The following PLCG1 variants were observed in gnomAD, a reference collection of about 807,000 sequenced individuals.
The protein encoded by PLCG1 is 1-phosphatidylinositol 4,5-bisphosphate phosphodiesterase gamma-1.
A neutral mutation model predicts 177.8 loss-of-function variants in PLCG1; 71 were observed. That is an observed-to-expected ratio of 0.40 (90% CI 0.33 to 0.49). The LOEUF is 0.49. Ranked by LOEUF, PLCG1 falls within the 20% of genes least tolerant of loss-of-function variation. The probability of loss-of-function intolerance (pLI) is 0.72; values close to 1 mark genes in which losing one functional copy is unlikely to be tolerated. For missense variants in PLCG1, 1,281 were observed against 1,709.0 expected (o/e 0.75, Z 4.42); for synonymous variants, 658 against 647.9 (o/e 1.02, Z -0.24).
rs1310382921 is a variant in PLCG1, at chr20:41,144,311, A to G, written c.217+6453A>G. On this transcript the variant is annotated intron_variant, in intron 1 of 31. Transcript: ENST00000685551. The surrounding 1 kb of genome is among the most constrained non-coding windows in gnomAD (Gnocchi z 4.1). ...CCATTCTGGGGAAAATGATAATAGG[A>G]TGGACCGTTCTATAGGAACAGAGGG... Among the ~76,000 whole-genome samples, 1 of 152,214 alleles carries G rather than the reference A, an allele frequency of 6.6e-6. No homozygotes were observed. Among genetic ancestry groups the G allele is most frequent in the Non-Finnish European group, 1.5e-5 (1 of 68,040 alleles).
intron 1 of PLCG1, among the ~76,000 whole-genome samples, chr20:41,140,972 G>A (rs760690539): frequency 1.3e-5 from 2 of 152,184 alleles, no homozygotes; most frequent in South Asian, 4.1e-4. Context: ...TGTGGTCCAC[G>A]TGGCTCCTCT....
rs1279029475 is a variant in PLCG1 at position 41,150,561 on chromosome 20, G to T, written c.218-9045G>T. 6.6e-6 allele frequency among the ~76,000 whole-genome samples: 1 copy of T among 152,198 alleles called. No homozygotes were observed. Among genetic ancestry groups the T allele is most frequent in the Admixed American group, 6.5e-5 (1 of 15,284 alleles). On this transcript the variant is annotated intron_variant, in intron 1 of 31. Transcript: ENST00000685551. This position sits in a 1 kb window ranked among gnomAD's most constrained non-coding sequence, Gnocchi z 4.0. ...GAGCACACTAGACTCCTGACACAGA[G>T]GCTGACCCATGGCTGCCTGGAGAAT...
At chr20:41,162,304 C>T (rs2035533929) in intron 4 of PLCG1, 148 bp from the exon 5 acceptor site, 1 of 508,942 alleles carries the variant, frequency 2.0e-6, no homozygotes, top group African/African-American at 2.0e-5. Context: ...CTAACCTCAC[C>T]CCATGGGTTC....
At chr20:41,161,662 G>A (rs1310391334) in intron 4 of PLCG1, among the ~76,000 whole-genome samples, 2 of 152,096 alleles carry the variant, frequency 1.3e-5, no homozygotes, top group South Asian at 2.1e-4. Flanking sequence ...CCCCCTCGGG[G>A]AATTTTGGTG....
Position 41,174,386 on chromosome 20 carries a change from G to A in PLCG1, c.3833+75G>A, listed in dbSNP as rs2035998096. The A allele has an allele frequency of 6.2e-7, 1 of 1,600,258 alleles. No individual in the cohort carries two copies. ...TCCTTCTTCAGTGTTTCTTTCTCCTGGGTAGAAAAGTTGTAATATTGTCTG... is the reference window on the plus strand; with the variant it reads ...TCCTTCTTCAGTGTTTCTTTCTCCTAGGTAGAAAAGTTGTAATATTGTCTG... On this transcript the variant is annotated intron_variant, in intron 31 of 31. Coordinates refer to ENST00000685551, the MANE Select transcript of PLCG1 (RefSeq NM_002660.3). This position sits in a 1 kb window ranked among gnomAD's most constrained non-coding sequence, Gnocchi z 5.8.
At chr20:41,141,401 C>T (rs1263968416) in intron 1 of PLCG1, among the ~76,000 whole-genome samples, 1 of 152,236 alleles carries the variant, frequency 6.6e-6, no homozygotes, top group Non-Finnish European at 1.5e-5. Context: ...CGGAAGAAAA[C>T]AGCTAACTGC....
In PLCG1 at chr20:41,163,507, G is replaced by A; in HGVS notation, c.891+28G>A. 1 of 1,536,194 alleles carries A rather than the reference G, an allele frequency of 6.5e-7. No individual in the cohort carries two copies. Among genetic ancestry groups the A allele is most frequent in the East Asian group, 2.2e-5 (1 of 44,504 alleles). ...GAGCCCGATGTTTCACCCATTTTTT[G>A]TCAAGAGAATGAGTAGGGGTGACCA... is the stretch of plus-strand genomic sequence containing the variant. On this transcript the variant is annotated intron_variant, in intron 9 of 31. Coordinates refer to ENST00000685551, the MANE Select transcript of PLCG1 (RefSeq NM_002660.3). The surrounding 1 kb of genome is among the most constrained non-coding windows in gnomAD (Gnocchi z 5.2).
chr20:41,174,236 G>C lies in PLCG1; in HGVS notation c.3758G>C (p.Arg1253Pro). 6.2e-7 allele frequency: 1 copy of C among 1,614,042 alleles called. No individual in the cohort carries two copies. The highest frequency in any genetic ancestry group is 2.2e-5 in the East Asian group (1 of 44,892). The part of the protein sequence containing the change: ...GRAREGSFES[R>P]YQQPFEDFRI... Reference sequence around the variant, plus strand: ...GCCCGGGAAGGCTCCTTTGAATCCCGCTACCAGCAGCCGTTTGAGGACTTC... The same window carrying C: ...GCCCGGGAAGGCTCCTTTGAATCCCCCTACCAGCAGCCGTTTGAGGACTTC... Residue 1253 changes from arginine to proline, a missense_variant, in exon 31 of 32, where the codon CGC becomes CCC. Arg to Pro is a moderately radical substitution (Grantham distance 103). Around this residue, in one of 4 missense-constraint regions of PLCG1, gnomAD observed 153 missense variants for 153.2 expected, o/e 1.00. Coordinates refer to ENST00000685551, the MANE Select transcript of PLCG1 (RefSeq NM_002660.3). The surrounding 1 kb of genome is among the most constrained non-coding windows in gnomAD (Gnocchi z 5.8).
Position 41,172,109 on chromosome 20 carries a change from T to G in PLCG1, c.2809-84T>G. The stretch of plus-strand genomic sequence containing the variant: ...AGAGGGGCCCAGAGCACCTGCAGTG[T>G]GGGCATGCCCAAGGTTGGCAGGGGC... On this transcript the variant is annotated intron_variant, in intron 24 of 31. Transcript: ENST00000685551. This position sits in a 1 kb window ranked among gnomAD's most constrained non-coding sequence, Gnocchi z 7.0. The G allele has an allele frequency of 1.0e-6, 1 of 1,001,336 alleles. No individual in the cohort carries two copies. The allele number at this position is 1,001,336 out of a possible 1,614,324, so 62.0% of individuals were successfully genotyped here. A position where few individuals can be genotyped will look rare whatever the true frequency, so the allele number is the denominator to read the frequency against.
At chr20:41,155,536 T>C (rs1432324418) in intron 1 of PLCG1, among the ~76,000 whole-genome samples, 3 of 152,228 alleles carry the variant, frequency 2.0e-5, no homozygotes, top group Admixed American at 6.5e-5. Flanking sequence ...CATATGCTTA[T>C]CTGTACACAA....
chr20:41,157,040 T>C lies in PLCG1; in HGVS notation c.218-2566T>C, dbSNP rs192169567. On this transcript the variant is annotated intron_variant, in intron 1 of 31. Transcript: ENST00000685551. This position sits in a 1 kb window ranked among gnomAD's most constrained non-coding sequence, Gnocchi z 5.4. ...TGCCAGGGCCAGGCTGGTGCCTTCT[T>C]ACGGAAGACAGTACAAGGGATCAGG... Among the ~76,000 whole-genome samples, 61 of 152,354 alleles carry C rather than the reference T, an allele frequency of 4.0e-4. No individual in the cohort carries two copies. The East Asian group carries it at 0.01, about 26-fold the overall frequency.
rs2035995224 is a variant in PLCG1, at chr20:41,174,309, A to C, written c.3831A>C (p.Arg1277=). ...CAGACCATTTTGACAGTCGAGAACG[A>C]AGGTGAGGAAGATGGAGGGGTGCTA... ...HLADHFDSRE[R]RAPRRTRVNG... The change falls in exon 31 of 32, where the codon CGA becomes CGC. Residue 1277 remains arginine, a splice_region_variant and synonymous_variant. Transcript: ENST00000685551. This position sits in a 1 kb window ranked among gnomAD's most constrained non-coding sequence, Gnocchi z 5.8. 3 of 1,612,802 alleles carry C rather than the reference A, an allele frequency of 1.9e-6. No homozygotes were observed. The highest frequency in any genetic ancestry group is 1.3e-5 in the African/African-American group (1 of 74,902).
rs759130598 is a variant in PLCG1, at chr20:41,165,135, C to G, written c.1386+34C>G. ...GCGGGCTTATTGCGGAAGCCCCACA[C>G]TTCTCAGTGCCTTGCCCAGGCCATG... On this transcript the variant is annotated intron_variant, in intron 13 of 31. Transcript: ENST00000685551. This position sits in a 1 kb window ranked among gnomAD's most constrained non-coding sequence, Gnocchi z 6.6. 6.2e-7 allele frequency: 1 copy of G among 1,604,946 alleles called. No homozygotes were observed. Among genetic ancestry groups the G allele is most frequent in the Admixed American group, 1.7e-5 (1 of 59,588 alleles).
intron 4 of PLCG1, 29 bp from the exon 5 acceptor site, chr20:41,162,423 G>A: frequency 2.5e-6 from 4 of 1,572,224 alleles, no homozygotes; most frequent in Non-Finnish European, 3.5e-6. Flanking sequence ...AGCTGGATGA[G>A]ACCACTGGGG....
rs2035586689 is a variant in PLCG1, at chr20:41,163,609, AC to A, written c.892-101del. The A allele has an allele frequency of 4.7e-6, 5 of 1,068,924 alleles. No individual in the cohort carries two copies. Among genetic ancestry groups the A allele is most frequent in the Non-Finnish European group, 5.8e-6 (4 of 691,676 alleles). The allele number at this position is 1,068,924 out of a possible 1,614,324, so 66.2% of individuals were successfully genotyped here. On this transcript the variant is annotated intron_variant, in intron 9 of 31. Transcript: ENST00000685551. The surrounding 1 kb of genome is among the most constrained non-coding windows in gnomAD (Gnocchi z 5.2). ...TTTCTACCTACTGTGCACCTTGCCCACCCCCAGTTGGGACAGAGCACTCTCT... is the reference window on the plus strand; with the variant it reads ...TTTCTACCTACTGTGCACCTTGCCCACCCCAGTTGGGACAGAGCACTCTCT...
rs2146053633 is a variant in PLCG1 at position 41,169,155 on chromosome 20, G to A, written c.2560G>A (p.Ala854Thr). ...CGTGGAAGAGATGGTCAACCCCGTG[G>A]CCCTGGAGCCGGAGAGGGAGGTAAG... ...NYVEEMVNPV[A>T]LEPEREHLDE... Residue 854 changes from alanine to threonine, a missense_variant, in exon 22 of 32, where the codon GCC becomes ACC. This residue lies in a region of PLCG1 where 723 missense variants were observed against 1,030.0 expected (regional missense o/e 0.70). Transcript: ENST00000685551. 2 of 1,613,364 alleles carry A rather than the reference G, an allele frequency of 1.2e-6. No individual in the cohort carries two copies. Among genetic ancestry groups the A allele is most frequent in the East Asian group, 4.5e-5 (2 of 44,874 alleles).
Position 41,139,590 on chromosome 20 carries a change from G to C in PLCG1, c.217+1732G>C, listed in dbSNP as rs35492097. ...TGATTTCCTCATGTGTAAAATGGGG[G>C]TAATAATATATCCAGTATATATGGT... On this transcript the variant is annotated intron_variant, in intron 1 of 31. Transcript: ENST00000685551. Among the ~76,000 whole-genome samples, 387 of 152,278 alleles carry C rather than the reference G, an allele frequency of 2.5e-3. 1 individual carries two copies. The highest frequency in any genetic ancestry group is 9.1e-3 in the African/African-American group (376 of 41,534).
At position 41,151,966 on chromosome 20, in the gene PLCG1, C is replaced by T; in HGVS notation, c.218-7640C>T. On this transcript the variant is annotated intron_variant, in intron 1 of 31. Transcript: ENST00000685551. The surrounding 1 kb of genome is among the most constrained non-coding windows in gnomAD (Gnocchi z 5.5). ...ACCCCACAGGGAGTTGTATAGGAAC[C>T]TGGGGATGGGGTGACTGAGGTAGGG... Among the ~76,000 whole-genome samples the T allele has an allele frequency of 6.6e-6, 1 of 152,184 alleles. No individual in the cohort carries two copies. Among genetic ancestry groups the T allele is most frequent in the South Asian group, 2.1e-4 (1 of 4,828 alleles).
At position 41,172,868 on chromosome 20, in the gene PLCG1, C is replaced by T; in HGVS notation, c.3270C>T (p.Ile1090=). 6.2e-7 allele frequency: 1 copy of T among 1,614,010 alleles called. No homozygotes were observed. Among genetic ancestry groups the T allele is most frequent in the South Asian group, 1.1e-5 (1 of 91,060 alleles). The change falls in exon 27 of 32, where the codon ATC becomes ATT. Residue 1090 remains isoleucine, a synonymous_variant. Transcript: ENST00000685551. The surrounding 1 kb of genome is among the most constrained non-coding windows in gnomAD (Gnocchi z 7.0). ...SSLRGLEPCA[I]SIEVLGARHL... ...TCCGCGGGCTGGAGCCATGTGCCATCTCTATTGAGGTGGGTGCTGCTCATC... is the reference window on the plus strand; with the variant it reads ...TCCGCGGGCTGGAGCCATGTGCCATTTCTATTGAGGTGGGTGCTGCTCATC...
Sources: allele counts gnomAD v4.1 joint callset (sites outside exome capture counted in the v4.1 genomes callset), GRCh38; gene constraint gnomAD v4.1.1; regional missense constraint gnomAD v4.1.1; non-coding constraint Gnocchi (gnomAD v3.1); transcripts MANE v1.5; gene names NCBI Gene and HGNC (gene_info 2026-07-23, HGNC 2026-07-21).